Variants in PPFIA4 observed in about 807,000 individuals in gnomAD.
PPFIA4 encodes PPFI scaffold protein A4.
In PPFIA4, 98 loss-of-function variants were observed where a neutral mutation model predicts 145.7. That is an observed-to-expected ratio of 0.67 (90% confidence interval 0.57 to 0.80). The LOEUF (loss-of-function observed/expected upper bound fraction) is 0.80, where lower values mean the gene tolerates loss of function less well. Among genes scored for constraint, PPFIA4 ranks in the 30% least tolerant of loss-of-function variants. PPFIA4 has a pLI of 0.00. For synonymous variants in PPFIA4, 628 were observed against 649.6 expected (o/e 0.97, Z 0.51); for missense variants, 1,457 against 1,632.7 (o/e 0.89, Z 1.85).
chr1:203,045,965 A>T lies in PPFIA4; in HGVS notation c.983A>T (p.Asn328Ile), dbSNP rs752180391. Residue 328 changes from asparagine to isoleucine, a missense_variant, in exon 8 of 30, where the codon AAC (asparagine) becomes ATC (isoleucine). Transcript: ENST00000295706. ...LNDKLENELA[N>I]KESLHRQCEE... The stretch of plus-strand genomic sequence containing the variant: ...GACAAGCTGGAGAATGAGCTGGCCA[A>T]CAAGGAGTCCCTGCACCGCCAGGTA... The T allele has an allele frequency of 2.0e-5, 32 of 1,612,640 alleles. No homozygotes were observed. The highest frequency in any genetic ancestry group is 2.6e-5 in the Non-Finnish European group (31 of 1,179,864).
Position 203,046,460 on chromosome 1 carries a change from C to T in PPFIA4, c.1140+78C>T, listed in dbSNP as rs148154572. ...TCAGGGAGCCAGGCAGGGAAGGGAGCGCGTGGGAGGCGCACTGGGCCAGGA... is the reference window on the plus strand; with the variant it reads ...TCAGGGAGCCAGGCAGGGAAGGGAGTGCGTGGGAGGCGCACTGGGCCAGGA... On this transcript the variant is annotated intron_variant, in intron 9 of 29. Transcript: ENST00000295706. The T allele has an allele frequency of 4.3e-3, 6,280 of 1,474,416 alleles. 248 individuals carry two copies. In the Admixed American group the frequency reaches 0.082, roughly 19 times the overall value. The allele number at this position is 1,474,416 out of a possible 1,614,324, so 91.3% of individuals were successfully genotyped here. A position where few individuals can be genotyped will look rare whatever the true frequency, so the allele number is the denominator to read the frequency against.
In PPFIA4 at chr1:203,048,569, AGACG is replaced by A; in HGVS notation, c.1225-12_1225-9del. 1 of 1,570,242 alleles carries A rather than the reference AGACG, an allele frequency of 6.4e-7. No homozygotes were observed. The highest frequency in any genetic ancestry group is 8.6e-7 in the Non-Finnish European group (1 of 1,158,852). On this transcript the variant is annotated splice_polypyrimidine_tract_variant and intron_variant, in intron 10 of 29. Transcript: ENST00000295706. The surrounding 1 kb of genome is among the most constrained non-coding windows in gnomAD (Gnocchi z 5.8). ...CTGGGAGGGCGGCCTGGTGCGAGGC[AGACG>A]GCTGTGCAGGTGCGCCAGCGGGAAA...
chr1:203,046,109 G>T, intron 8 of PPFIA4, 122 bp downstream of exon 8: 1 of 1,557,354 alleles, frequency 6.4e-7, no homozygotes, highest in Non-Finnish European at 8.7e-7. Context: ...GAAAGGGGAA[G>T]TCAGGCGTCT....
intron 1 of PPFIA4, among the ~76,000 whole-genome samples, chr1:203,035,006 A>G (rs1382253388): frequency 6.6e-6 from 1 of 152,244 alleles, no homozygotes; most frequent in Non-Finnish European, 1.5e-5. Context: ...TGAGGATTAA[A>G]ATAAATTAAT....
At chr1:203,041,874 C>G (rs1461790293) in intron 2 of PPFIA4, among the ~76,000 whole-genome samples, 1 of 152,182 alleles carries the variant, frequency 6.6e-6, no homozygotes, top group East Asian at 1.9e-4. Flanking sequence ...AGGGGTGAGA[C>G]AGCATCAGGC....
At chr1:203,070,161 T>G (rs1017899354) in intron 27 of PPFIA4, among the ~76,000 whole-genome samples, 2 of 152,200 alleles carry the variant, frequency 1.3e-5, no homozygotes, top group African/African-American at 4.8e-5. Context: ...ATAGCAGTAA[T>G]TCTGTAAATA....
chr1:203,045,507 A>G lies in PPFIA4; in HGVS notation c.806A>G (p.Asp269Gly). 1 of 1,607,808 alleles carries G rather than the reference A, an allele frequency of 6.2e-7. No homozygotes were observed. The highest frequency in any genetic ancestry group is 1.1e-5 in the South Asian group (1 of 89,886). The change falls in exon 7 of 30, where the codon GAC becomes GGC. Residue 269 changes from aspartate (D) to glycine (G), a missense_variant. Around this residue, in one of 3 missense-constraint regions of PPFIA4, gnomAD observed 463 missense variants for 459.8 expected, o/e 1.01. Coordinates refer to ENST00000295706, the MANE Select transcript of PPFIA4 (RefSeq NM_001304331.2). ...LEEDLGTARR[D>G]LIKSEELSSK... is the part of the protein sequence containing the mutation. ...GAGGACCTGGGCACGGCCCGCCGGGACCTCATCAAGTCGGAGGAGCTGAGC... is the reference window on the plus strand; with the variant it reads ...GAGGACCTGGGCACGGCCCGCCGGGGCCTCATCAAGTCGGAGGAGCTGAGC...
At chr1:203,041,540 T>C (rs903363) in intron 2 of PPFIA4, among the ~76,000 whole-genome samples, 34,799 of 152,106 alleles carry the variant, frequency 0.23, 4,465 homozygotes, top group East Asian at 0.47. Flanking sequence ...TGCAGTGAGT[T>C]GAAATTGAGT....
chr1:203,042,310 G>A (rs2102628246), intron 2 of PPFIA4, among the ~76,000 whole-genome samples: 1 of 152,334 alleles, frequency 6.6e-6, no homozygotes, highest in South Asian at 2.1e-4. Context: ...GGCTGGCAAG[G>A]TCTCTGAAGT....
At position 203,056,404 on chromosome 1, in the gene PPFIA4, G is replaced by A. The variant is rs763517438; in HGVS notation, c.2136G>A (p.Glu712=). ...CAGTGTCTCGGGAAGAGAACCGAGAGGATAAAGCCACCATAAAATGTGAGA... is the reference window on the plus strand; with the variant it reads ...CAGTGTCTCGGGAAGAGAACCGAGAAGATAAAGCCACCATAAAATGTGAGA... The part of the protein sequence containing the change: ...LSPVSREENR[E]DKATIKCETS... Residue 712 remains glutamate (E), a synonymous_variant, in exon 18 of 30, where the codon GAG becomes GAA. Transcript: ENST00000295706. 1 of 1,614,020 alleles carries A rather than the reference G, an allele frequency of 6.2e-7. No homozygotes were observed. Among genetic ancestry groups the A allele is most frequent in the South Asian group, 1.1e-5 (1 of 91,080 alleles).
At chr1:203,031,019 A>G (rs942465300) in intron 1 of PPFIA4, among the ~76,000 whole-genome samples, 6 of 152,138 alleles carry the variant, frequency 3.9e-5, no homozygotes, top group African/African-American at 1.4e-4. Context: ...TCTTATGACC[A>G]TACCTTTATA....
chr1:203,030,138 C>T (rs1434936304), intron 1 of PPFIA4, among the ~76,000 whole-genome samples: 1 of 152,146 alleles, frequency 6.6e-6, no homozygotes, highest in East Asian at 1.9e-4. Flanking sequence ...AACGATGAAG[C>T]CTTCCTCATT....
chr1:203,046,037 G>T (rs1367227277), intron 8 of PPFIA4, 50 bp downstream of exon 8: 2 of 1,609,606 alleles, frequency 1.2e-6, no homozygotes. Flanking sequence ...AGCCCTGGAG[G>T]TGTCCTCGTG....
At position 203,060,130 on chromosome 1, in the gene PPFIA4, A is replaced by G; in HGVS notation, c.2584-87A>G. Reference sequence around the variant, plus strand: ...TATTTGCTATTCGAGTCCGTGGATGAGGCCTGGCCCTTGCCCCTTGCTGTT... The same window carrying G: ...TATTTGCTATTCGAGTCCGTGGATGGGGCCTGGCCCTTGCCCCTTGCTGTT... On this transcript the variant is annotated intron_variant, in intron 21 of 29. Transcript: ENST00000295706. This position sits in a 1 kb window ranked among gnomAD's most constrained non-coding sequence, Gnocchi z 4.8. 1 of 1,307,280 alleles carries G rather than the reference A, an allele frequency of 7.6e-7. No homozygotes were observed. Among genetic ancestry groups the G allele is most frequent in the Non-Finnish European group, 1.1e-6 (1 of 931,514 alleles). 81.0% of individuals were successfully genotyped at this position (1,307,280 alleles called of 1,614,324 possible). A position where few individuals can be genotyped will look rare whatever the true frequency, so the allele number is the denominator to read the frequency against.
In PPFIA4 at chr1:203,061,690, T is replaced by G. The variant is rs1320990521; in HGVS notation, c.2874+12T>G. ...GCAGCTGGGCTCAGGTAAGACTCCC[T>G]ACCCTGTCTAGAACCAGCTCCCAAA... On this transcript the variant is annotated intron_variant, in intron 24 of 29. Coordinates refer to ENST00000295706, the MANE Select transcript of PPFIA4 (RefSeq NM_001304331.2). 6.4e-7 allele frequency: 1 copy of G among 1,563,114 alleles called. No homozygotes were observed. Among genetic ancestry groups the G allele is most frequent in the African/African-American group, 1.4e-5 (1 of 73,464 alleles).
chr1:203,072,851 G>T (rs995197903), intron 28 of PPFIA4, among the ~76,000 whole-genome samples: 2 of 151,862 alleles, frequency 1.3e-5, no homozygotes, highest in African/African-American at 2.4e-5. Flanking sequence ...TATTTTTTTT[G>T]GTTATTTAGA....
intron 2 of PPFIA4, among the ~76,000 whole-genome samples, chr1:203,040,959 T>G (rs1408894002): frequency 6.6e-6 from 1 of 152,214 alleles, no homozygotes. Flanking sequence ...ACCTGGTACA[T>G]GATAGGTGCT....
At chr1:203,051,144 C>T in intron 13 of PPFIA4, 2 of 985,300 alleles carry the variant, frequency 2.0e-6, no homozygotes, top group Non-Finnish European at 2.4e-6. Context: ...TGCTTGGGTC[C>T]TAAAATCTCA....
rs1662546241 is a variant in PPFIA4, at chr1:203,076,360, C to T, written c.3594C>T (p.Tyr1198=). The T allele has an allele frequency of 8.1e-6, 13 of 1,607,390 alleles. No individual in the cohort carries two copies. The South Asian group carries it at 9.9e-5, about 12-fold the overall frequency. Residue 1198 remains tyrosine (Y), a synonymous_variant, in exon 30 of 30, where the codon TAC becomes TAT. Coordinates refer to ENST00000295706, the MANE Select transcript of PPFIA4 (RefSeq NM_001304331.2). The part of the protein sequence containing the change: ...IMPEAHSHYL[Y]GHMLSAFRD ...CCTCAGCTCACTCCCACTATCTCTA[C>T]GGACACATGCTCTCCGCCTTCCGGG... is the stretch of plus-strand genomic sequence containing the variant.
Sources: gnomAD v4.1 joint callset for allele counts (sites outside exome capture counted in the v4.1 genomes callset) on GRCh38, gnomAD v4.1.1 for gene constraint, gnomAD v4.1.1 regional missense constraint, Gnocchi (gnomAD v3.1) non-coding constraint, MANE v1.5 for transcripts, NCBI Gene and HGNC (gene_info 2026-07-23, HGNC 2026-07-21) for gene names.